The following FNDC1 variants were observed in gnomAD, a reference collection of about 807,000 sequenced individuals.
FNDC1 encodes fibronectin type III domain-containing protein 1.
A neutral mutation model predicts 168.0 loss-of-function variants in FNDC1; 96 were observed. The observed-to-expected ratio is 0.57, with a 90% CI of 0.48 to 0.68. The LOEUF (loss-of-function observed/expected upper bound fraction) is 0.68, where lower values mean the gene tolerates loss of function less well. FNDC1 is among the 30% of genes least tolerant of loss of function. The pLI is 0.00. For missense variants in FNDC1, 2,587 were observed against 2,482.1 expected, an observed-to-expected ratio of 1.04 and a Z score of -0.90; for synonymous variants, 1,099 against 1,025.9, an observed-to-expected ratio of 1.07 and a Z score of -1.36.
chr6:159,267,382 C>T (rs902908416), intron 21 of FNDC1, among the ~76,000 whole-genome samples: 5 of 152,186 alleles, frequency 3.3e-5, no homozygotes, highest in African/African-American at 1.2e-4. Context: ...GACAGCGTCT[C>T]ATGCCACAGG....
At chr6:159,198,371 G>C (rs566237308) in intron 2 of FNDC1, among the ~76,000 whole-genome samples, 26 of 152,302 alleles carry the variant, frequency 1.7e-4, no homozygotes, top group African/African-American at 6.3e-4. Flanking sequence ...TCCTTTAGTG[G>C]ATCATGGGCT....
At position 159,249,051 on chromosome 6, in the gene FNDC1, A is replaced by T. The variant is rs1320653796; in HGVS notation, c.4703A>T (p.Glu1568Val). The T allele has an allele frequency of 1.9e-6, 3 of 1,598,444 alleles. No individual in the cohort carries two copies. The change falls in exon 16 of 23, where the codon GAG (glutamate) becomes GTG (valine). Residue 1568 changes from glutamate to valine, a missense_variant. Physicochemically the swap from Glu to Val is moderately radical, Grantham distance 121 (BLOSUM62 -2). Coordinates refer to ENST00000297267, the MANE Select transcript of FNDC1 (RefSeq NM_032532.3). Reference protein sequence around the residue: ...YVIYDEDYEFETSRPPTTTEP... With the variant: ...YVIYDEDYEFVTSRPPTTTEP... ...CATATCATTTCAGATTATGAATTTGAGACGTCAAGGCCACCAACCACCACT... is the reference window on the plus strand; with the variant it reads ...CATATCATTTCAGATTATGAATTTGTGACGTCAAGGCCACCAACCACCACT...
chr6:159,233,570 C>T lies in FNDC1; in HGVS notation c.3058C>T (p.Gln1020Ter), dbSNP rs1229134620. The T allele has an allele frequency of 6.3e-7, 1 of 1,590,926 alleles. No homozygotes were observed. Among genetic ancestry groups the T allele is most frequent in the South Asian group, 1.1e-5 (1 of 88,128 alleles). The change falls in exon 11 of 23, where the codon CAG becomes TAG. Residue 1020 changes from glutamine to a stop codon, truncating the protein, a stop_gained. Transcript: ENST00000297267. LOFTEE classifies it high-confidence loss of function. The surrounding 1 kb of genome is among the most constrained non-coding windows in gnomAD (Gnocchi z 4.6). ...CACGTCCCAGCACCACCCGGGACCC[C>T]AGAGCAGAGACGCGGGTCGGTCACC... ...VATSQHHPGPQSRDAGRSPSQ... is the reference protein window; with the variant it reads ...VATSQHHPGP
Position 159,221,798 on chromosome 6 carries a change from G to A in FNDC1, c.766+102G>A. On this transcript the variant is annotated intron_variant, in intron 6 of 22. Transcript: ENST00000297267. ...AATGATGAATTACATGAATTTTATT[G>A]AGGCTAAAAGAAATAACAGGGCAAA... 7.3e-6 allele frequency: 7 copies of A among 955,806 alleles called. 1 individual carries two copies. In the South Asian group the frequency reaches 8.4e-5, roughly 12 times the overall value. 59.2% of individuals were successfully genotyped at this position (955,806 alleles called of 1,614,324 possible).
intron 1 of FNDC1, among the ~76,000 whole-genome samples, chr6:159,192,758 T>G (rs1437710042): frequency 6.6e-6 from 1 of 152,100 alleles, no homozygotes; most frequent in Non-Finnish European, 1.5e-5. Flanking sequence ...CTGTGTAGCA[T>G]CCCACACTCC....
At chr6:159,256,936 C>A (rs1325058766) in intron 18 of FNDC1, among the ~76,000 whole-genome samples, 4 of 152,160 alleles carry the variant, frequency 2.6e-5, no homozygotes, top group African/African-American at 9.7e-5. Flanking sequence ...CATTTTTAGT[C>A]CCAATATCGT....
In FNDC1 at chr6:159,232,367, T is replaced by C; in HGVS notation, c.1855T>C (p.Ser619Pro). The change falls in exon 11 of 23, where the codon TCT (serine) becomes CCT (proline). Residue 619 changes from serine (S) to proline (P), a missense_variant. Ser to Pro is a moderately conservative substitution (Grantham distance 74). Transcript: ENST00000297267. This position sits in a 1 kb window ranked among gnomAD's most constrained non-coding sequence, Gnocchi z 4.9. The stretch of plus-strand genomic sequence containing the variant: ...AGGGGCGCCCCCCTCGGCTTCGGCC[T>C]CTCCTGCCCACCACGCGTCCACCCA... ...RPGAPPSASASPAHHASTQGT... is the reference protein window; with the variant it reads ...RPGAPPSASAPPAHHASTQGT... The C allele has an allele frequency of 6.2e-7, 1 of 1,613,466 alleles. No individual in the cohort carries two copies. The highest frequency in any genetic ancestry group is 1.1e-5 in the South Asian group (1 of 91,040).
In FNDC1 at chr6:159,234,188, C is replaced by T. The variant is rs200627143; in HGVS notation, c.3676C>T (p.Pro1226Ser). 2 of 1,598,640 alleles carry T rather than the reference C, an allele frequency of 1.3e-6. No homozygotes were observed. The highest frequency in any genetic ancestry group is 2.2e-5 in the East Asian group (1 of 44,454). ...GAGCCTCGCCAAGGAAGAGAGGGAG[C>T]CTGCCATCGCGCTTGCCCCTCGCGG... ...DGSLAKEERE[P>S]AIALAPRGGS... The change falls in exon 11 of 23, where the codon CCT (proline) becomes TCT (serine). Residue 1226 changes from proline to serine, a missense_variant. Coordinates refer to ENST00000297267, the MANE Select transcript of FNDC1 (RefSeq NM_032532.3).
chr6:159,256,095 A>T (rs1777364875), intron 17 of FNDC1, among the ~76,000 whole-genome samples: 1 of 152,196 alleles, frequency 6.6e-6, no homozygotes, highest in African/African-American at 2.4e-5. Flanking sequence ...CCCCGCACAC[A>T]TGCACAGCAT....
chr6:159,184,895 T>C (rs143078139), intron 1 of FNDC1, among the ~76,000 whole-genome samples: 414 of 152,292 alleles, frequency 2.7e-3, no homozygotes, highest in Admixed American at 8.0e-3. Context: ...TACTGGCTTC[T>C]AGTTGGGTCT....
At chr6:159,268,584 C>T (rs981562277) in intron 22 of FNDC1, among the ~76,000 whole-genome samples, 3 of 151,852 alleles carry the variant, frequency 2.0e-5, no homozygotes, top group East Asian at 3.9e-4. Context: ...TCCATCTATC[C>T]GTCTCTCTCT....
chr6:159,211,371 C>G (rs1297040804), intron 4 of FNDC1, among the ~76,000 whole-genome samples: 1 of 152,184 alleles, frequency 6.6e-6, no homozygotes, highest in African/African-American at 2.4e-5. Context: ...AAAGTAGCCG[C>G]CAGACAGCTG....
chr6:159,189,249 C>T (rs1039794368), intron 1 of FNDC1, among the ~76,000 whole-genome samples: 1 of 152,158 alleles, frequency 6.6e-6, no homozygotes, highest in African/African-American at 2.4e-5. Flanking sequence ...TTGGAACTCT[C>T]TCCTCACCTC....
At chr6:159,191,245 G>T (rs1782132384) in intron 1 of FNDC1, among the ~76,000 whole-genome samples, 1 of 152,076 alleles carries the variant, frequency 6.6e-6, no homozygotes, top group African/African-American at 2.4e-5. Context: ...ATTTGGGTGG[G>T]GACACAGAGC....
intron 3 of FNDC1, 90 bp downstream of exon 3, chr6:159,200,172 A>G: frequency 9.9e-7 from 1 of 1,006,996 alleles, no homozygotes; most frequent in South Asian, 1.5e-5. Context: ...ATATAAATTT[A>G]GAGTTATTAA....
In FNDC1 at chr6:159,239,476, G is replaced by T. The variant is rs1352550791; in HGVS notation, c.4181-41G>T. On this transcript the variant is annotated intron_variant, in intron 13 of 22. Transcript: ENST00000297267. ...GCTTGCTTTTTATTTTCTCTGGATTGCTTCACCTTGTTGCATAGCTATTGG... is the reference window on the plus strand; with the variant it reads ...GCTTGCTTTTTATTTTCTCTGGATTTCTTCACCTTGTTGCATAGCTATTGG... The T allele has an allele frequency of 2.0e-6, 3 of 1,501,852 alleles. No homozygotes were observed. In the African/African-American group the frequency reaches 4.2e-5, roughly 21 times the overall value. 93.0% of individuals were successfully genotyped at this position (1,501,852 alleles called of 1,614,324 possible). A position where few individuals can be genotyped will look rare whatever the true frequency, so the allele number is the denominator to read the frequency against.
intron 10 of FNDC1, among the ~76,000 whole-genome samples, chr6:159,230,207 AAC>A (rs917417268): frequency 1.3e-5 from 2 of 152,234 alleles, no homozygotes; most frequent in African/African-American, 2.4e-5. Context: ...GATTATTGAT[AAC>A]AGTTACTATT....
At position 159,233,783 on chromosome 6, in the gene FNDC1, G is replaced by A. The variant is rs962034429; in HGVS notation, c.3271G>A (p.Val1091Met). Residue 1091 changes from valine to methionine, a missense_variant, in exon 11 of 23, where the codon GTG becomes ATG. By Grantham distance (21) the Val-to-Met change is conservative. Transcript: ENST00000297267. This position sits in a 1 kb window ranked among gnomAD's most constrained non-coding sequence, Gnocchi z 4.6. ...CAGCACAGAAGTCGAGGCCCAGGATGTGCGGGCCCCCGCGCACGCCGCGCG... is the reference window on the plus strand; with the variant it reads ...CAGCACAGAAGTCGAGGCCCAGGATATGCGGGCCCCCGCGCACGCCGCGCG... ...DDSTEVEAQD[V>M]RAPAHAARAK... 3 of 1,541,052 alleles carry A rather than the reference G, an allele frequency of 1.9e-6. No homozygotes were observed. Among genetic ancestry groups the A allele is most frequent in the African/African-American group, 2.7e-5 (2 of 72,744 alleles).
rs1783149427 is a variant in FNDC1 at position 159,233,381 on chromosome 6, G to C, written c.2869G>C (p.Asp957His). The change falls in exon 11 of 23, where the codon GAC becomes CAC. Residue 957 changes from aspartate to histidine, a missense_variant. Transcript: ENST00000297267. This position sits in a 1 kb window ranked among gnomAD's most constrained non-coding sequence, Gnocchi z 4.6. ...GGCTCAGGATGTTCAACAGAGCACA[G>C]ACGCGGACACGGAGGGTCATTCTCC... ...SKAQDVQQST[D>H]ADTEGHSPKA... 1 of 1,613,652 alleles carries C rather than the reference G, an allele frequency of 6.2e-7. No homozygotes were observed. Among genetic ancestry groups the C allele is most frequent in the Non-Finnish European group, 8.5e-7 (1 of 1,179,850 alleles).
Sources: gnomAD v4.1 joint callset for allele counts (sites outside exome capture counted in the v4.1 genomes callset) on GRCh38, gnomAD v4.1.1 for gene constraint, Gnocchi (gnomAD v3.1) non-coding constraint, MANE v1.5 for transcripts, NCBI Gene and HGNC (gene_info 2026-07-23, HGNC 2026-07-21) for gene names.